Variants in MTMR8 observed in about 807,000 individuals in gnomAD.
MTMR8 encodes the protein phosphatidylinositol-3,5-bisphosphate 3-phosphatase MTMR8.
MTMR8 carries 65 observed loss-of-function variants against 39.3 expected under a neutral mutation model. That is an observed-to-expected ratio of 1.65 (90% confidence interval 1.35 to 2.03). MTMR8 has a LOEUF of 2.03. MTMR8 is among the 30% of genes most tolerant of loss of function. The pLI, the probability that MTMR8 is intolerant of heterozygous loss-of-function variation, is 0.00. For synonymous variants in MTMR8, 245 were observed against 185.2 expected, an observed-to-expected ratio of 1.32 and a Z score of -2.62; for missense variants, 777 against 538.9, an observed-to-expected ratio of 1.44 and a Z score of -4.37.
rs779471791 is a variant in MTMR8, at chrX:64,361,120, AC to A, written c.25-1594del. On this transcript the variant is annotated intron_variant, in intron 1 of 13. Transcript: ENST00000374852. ...AAAATTAAAACTATCACTATTATGA[AC>A]AACAATATGCTAATAAATTGGAAAA... is the stretch of plus-strand genomic sequence containing the variant. Among the ~76,000 whole-genome samples, 50 of 112,137 alleles carry A rather than the reference AC, an allele frequency of 4.5e-4. 1 individual carries two copies. Among genetic ancestry groups the A allele is most frequent in the African/African-American group, 1.5e-3 (47 of 31,122 alleles).
At chrX:64,346,011 C>T (rs1434141472) in intron 6 of MTMR8, among the ~76,000 whole-genome samples, 2 of 111,853 alleles carry the variant, frequency 1.8e-5, no homozygotes, top group Non-Finnish European at 3.8e-5. Flanking sequence ...GGAGACATCA[C>T]CAACTGTTTT....
chrX:64,386,309 TA>T (rs1924555746), intron 1 of MTMR8, among the ~76,000 whole-genome samples: 1 of 111,664 alleles, frequency 9.0e-6, no homozygotes, highest in Admixed American at 9.5e-5. Context: ...AGAAGGTGGC[TA>T]AAGGGTGGCT....
intron 12 of MTMR8, chrX:64,306,046 G>A: frequency 4.9e-6 from 1 of 202,202 alleles, no homozygotes; most frequent in Non-Finnish European, 9.5e-6. Flanking sequence ...AGCTCCAGAG[G>A]TTGAGGGTGC....
rs752640549 is a variant in MTMR8 at position 64,268,346 on chromosome X, A to T, written c.*191T>A. 2 of 452,669 alleles carry T rather than the reference A, an allele frequency of 4.4e-6. No individual in the cohort carries two copies. Among genetic ancestry groups the T allele is most frequent in the East Asian group, 7.5e-5 (2 of 26,736 alleles). The allele number at this position is 452,669 out of a possible 1,213,427, so 37.3% of individuals were successfully genotyped here. A position where few individuals can be genotyped will look rare whatever the true frequency, so the allele number is the denominator to read the frequency against. On this transcript the variant is annotated 3_prime_UTR_variant, in exon 14 of 14. Transcript: ENST00000374852. ...ATAACATATTCTTTCTCTTGCCTACACTCTGTACTGCTTAATATGAACATA... is the reference window on the plus strand; with the variant it reads ...ATAACATATTCTTTCTCTTGCCTACTCTCTGTACTGCTTAATATGAACATA...
intron 12 of MTMR8, among the ~76,000 whole-genome samples, chrX:64,308,740 T>C (rs1164203545): frequency 8.9e-6 from 1 of 111,843 alleles, no homozygotes; most frequent in Non-Finnish European, 1.9e-5. Context: ...TATGTTTTGT[T>C]ATATAACCTA....
Position 64,301,972 on chromosome X carries a change from T to G in MTMR8, c.1481+26800A>C, listed in dbSNP as rs747347858. ...GGAGACCCACTGCTCTCTTCAAAGC[T>G]GTCAGACAGGGACATTTAAGTCTGC... On this transcript the variant is annotated intron_variant, in intron 12 of 13. Transcript: ENST00000374852. Among the ~76,000 whole-genome samples the G allele has an allele frequency of 5.9e-3, 657 of 112,293 alleles. 2 individuals are homozygous for G. The highest frequency in any genetic ancestry group is 0.02 in the African/African-American group (624 of 30,913).
At chrX:64,281,168 TG>T (rs777776830) in intron 12 of MTMR8, among the ~76,000 whole-genome samples, 1 of 111,560 alleles carries the variant, frequency 9.0e-6, no homozygotes, top group Non-Finnish European at 1.9e-5. Context: ...AAAGAACTAT[TG>T]ACATTTTACA....
In MTMR8 at chrX:64,331,688, C is replaced by T; in HGVS notation, c.1221G>A (p.Trp407Ter). The T allele has an allele frequency of 3.3e-6, 4 of 1,210,398 alleles. No individual in the cohort carries two copies. Among genetic ancestry groups the T allele is most frequent in the Non-Finnish European group, 4.5e-6 (4 of 894,649 alleles). The change falls in exon 11 of 14, where the codon TGG becomes TGA. Residue 407 changes from tryptophan to a stop codon, truncating the protein, a stop_gained. Transcript: ENST00000374852. LOFTEE classifies it high-confidence loss of function. Reference sequence around the variant, plus strand: ...CACAGGGAAACTGTTCCATTAATTGCCAGATACAGTCTAGGAACTGGGTGA... The same window carrying T: ...CACAGGGAAACTGTTCCATTAATTGTCAGATACAGTCTAGGAACTGGGTGA... ...PIFTQFLDCIWQLMEQFPCAF... is the reference protein window; with the variant it reads ...PIFTQFLDCI
At chrX:64,393,796 G>T (rs772143525) in intron 1 of MTMR8, among the ~76,000 whole-genome samples, 3 of 112,110 alleles carry the variant, frequency 2.7e-5, no homozygotes, top group Non-Finnish European at 5.6e-5. Flanking sequence ...AAAGGTTAAA[G>T]GTTGGAGTTT....
In MTMR8 at chrX:64,384,648, A is replaced by T. The variant is rs1260265316; in HGVS notation, c.24+10692T>A. 2.7e-5 allele frequency among the ~76,000 whole-genome samples: 3 copies of T among 112,547 alleles called. No individual in the cohort carries two copies. The South Asian group carries it at 1.1e-3, about 41-fold the overall frequency. ...TTGAACCCTTTGGAGCTAGAATCCA[A>T]GCTATATCTGGGCCCCTTTGTGCCA... On this transcript the variant is annotated intron_variant, in intron 1 of 13. Coordinates refer to ENST00000374852, the MANE Select transcript of MTMR8 (RefSeq NM_017677.4).
chrX:64,306,962 C>T (rs1030411746), intron 12 of MTMR8, among the ~76,000 whole-genome samples: 2 of 111,909 alleles, frequency 1.8e-5, no homozygotes, highest in Admixed American at 9.5e-5. Context: ...GAGACAACTA[C>T]GGGAGCGGAA....
chrX:64,356,229 G>T lies in MTMR8; in HGVS notation c.257C>A (p.Ser86Tyr). 8.3e-7 allele frequency: 1 copy of T among 1,209,166 alleles called. No homozygotes were observed. ...NFRVAHFVLDSDLVCHEVYIS... is the reference protein window; with the variant it reads ...NFRVAHFVLDYDLVCHEVYIS... ...ATAAACCTCATGGCACACAAGGTCA[G>T]AATCTAAAACAAAGTGGGCCACCCG... Residue 86 changes from serine (S) to tyrosine (Y), a missense_variant, in exon 3 of 14, where the codon TCT becomes TAT. By Grantham distance (144) the Ser-to-Tyr change is moderately radical (BLOSUM62 -2). Transcript: ENST00000374852.
At chrX:64,312,091 G>A (rs993774937) in intron 12 of MTMR8, among the ~76,000 whole-genome samples, 2 of 110,985 alleles carry the variant, frequency 1.8e-5, no homozygotes, top group Non-Finnish European at 3.8e-5. Flanking sequence ...AAATTACCTT[G>A]GGCAGTATGG....
chrX:64,369,376 A>C (rs760465748), intron 1 of MTMR8, among the ~76,000 whole-genome samples: 1 of 112,253 alleles, frequency 8.9e-6, no homozygotes, highest in African/African-American at 3.2e-5. Flanking sequence ...GATGTCCATC[A>C]ATGATAGACG....
intron 12 of MTMR8, among the ~76,000 whole-genome samples, chrX:64,319,685 G>C (rs1922575847): frequency 9.0e-6 from 1 of 110,576 alleles, no homozygotes. Context: ...GCTTTTTTTT[G>C]TCAGGTTTGT....
chrX:64,299,958 T>A (rs1370182225), intron 12 of MTMR8, among the ~76,000 whole-genome samples: 59 of 71,844 alleles, frequency 8.2e-4, no homozygotes, highest in Non-Finnish European at 1.2e-3. Context: ...TTTGTTATAA[T>A]TTCTGTTCTT....
intron 13 of MTMR8, 107 bp from the exon 14 acceptor site, chrX:64,269,150 G>A (rs1461258670): frequency 4.8e-6 from 4 of 839,080 alleles, no homozygotes; most frequent in Middle Eastern, 8.7e-4. Flanking sequence ...TATAATGGTA[G>A]CAAATGACCT....
At chrX:64,352,027 C>G (rs937061883) in intron 4 of MTMR8, among the ~76,000 whole-genome samples, 1 of 111,550 alleles carries the variant, frequency 9.0e-6, no homozygotes, top group African/African-American at 3.3e-5. Flanking sequence ...TCAGACTACC[C>G]TTAGAAAGGC....
chrX:64,285,925 C>T (rs1224981830), intron 12 of MTMR8, among the ~76,000 whole-genome samples: 1 of 111,181 alleles, frequency 9.0e-6, no homozygotes, highest in Non-Finnish European at 1.9e-5. Flanking sequence ...ACTAGAGAAA[C>T]AAGAACAAAC....
Sources: allele counts gnomAD v4.1 joint callset (sites outside exome capture counted in the v4.1 genomes callset), GRCh38; gene constraint gnomAD v4.1.1; transcripts MANE v1.5; gene names NCBI Gene and HGNC (gene_info 2026-07-23, HGNC 2026-07-21).